TRIM5: variants seen among roughly 807,000 people sequenced by gnomAD.
TRIM5 encodes tripartite motif-containing protein 5.
Under a neutral mutation model 35.6 loss-of-function variants are expected in TRIM5, and 31 were observed. That is an observed-to-expected ratio of 0.87 (90% CI 0.65 to 1.18). TRIM5 has a LOEUF of 1.18. Among genes scored for constraint, TRIM5 ranks in the 50% most tolerant of loss-of-function variants. The pLI is 0.00. For missense variants in TRIM5, 609 were observed against 591.6 expected (o/e 1.03, Z -0.31); for synonymous variants, 243 against 215.6 (o/e 1.13, Z -1.11).
the TRIM5 span, among the ~76,000 whole-genome samples, chr11:5,636,629 G>A: frequency 6.6e-6 from 1 of 152,086 alleles, no homozygotes; most frequent in Non-Finnish European, 1.5e-5. Context: ...AAAGAACACT[G>A]TGTTTATGTC....
chr11:5,678,490 G>A, intron 3 of TRIM5, 56 bp from the exon 4 acceptor site: 2 of 1,392,010 alleles, frequency 1.4e-6, no homozygotes, highest in South Asian at 1.6e-5. Context: ...GAGGCTGTTA[G>A]CCAGAAAAGG....
chr11:5,633,146 CTT>C, the TRIM5 span, among the ~76,000 whole-genome samples: 945 of 106,788 alleles, frequency 8.8e-3, 7 homozygotes, highest in African/African-American at 0.028. Context: ...CCTTTTCTTT[CTT>C]TTTTTTTTTT....
the TRIM5 span, among the ~76,000 whole-genome samples, chr11:5,650,293 C>T: frequency 6.6e-6 from 1 of 152,186 alleles, no homozygotes; most frequent in Non-Finnish European, 1.5e-5. Flanking sequence ...GCCCGTGATT[C>T]AGTATATAAC....
intron 4 of TRIM5, among the ~76,000 whole-genome samples, chr11:5,671,240 T>C (rs1455123495): frequency 6.6e-6 from 1 of 151,528 alleles, no homozygotes; most frequent in Non-Finnish European, 1.5e-5. Context: ...ATATATATGT[T>C]ATTTACAAAA....
chr11:5,664,589 G>T lies in TRIM5; in HGVS notation c.*220C>A. ...ATAGGTCAGTTTTCCTTAGGAGTACGGAAAATGATGAAAAAAATTGCTATC... is the reference window on the plus strand; with the variant it reads ...ATAGGTCAGTTTTCCTTAGGAGTACTGAAAATGATGAAAAAAATTGCTATC... On this transcript the variant is annotated 3_prime_UTR_variant, in exon 8 of 8. Transcript: ENST00000380034. The T allele has an allele frequency of 1.6e-6, 2 of 1,283,382 alleles. No individual in the cohort carries two copies. The highest frequency in any genetic ancestry group is 1.5e-5 in the African/African-American group (1 of 66,330). 79.5% of individuals were successfully genotyped at this position (1,283,382 alleles called of 1,614,324 possible). A position where few individuals can be genotyped will look rare whatever the true frequency, so the allele number is the denominator to read the frequency against.
downstream of TRIM5, chr11:5,663,161 AAAG>A: frequency 1.3e-6 from 1 of 796,576 alleles, no homozygotes; most frequent in African/African-American, 1.9e-5. Flanking sequence ...AACAAACAAA[AAAG>A]CCCAACACCA....
At chr11:5,632,561 T>C in the TRIM5 span, 12 of 1,613,582 alleles carry the variant, frequency 7.4e-6, no homozygotes, top group African/African-American at 1.3e-5. Flanking sequence ...CTGGCCAACA[T>C]AGTGGAGAGA....
At chr11:5,642,341 G>T in the TRIM5 span, 2 of 1,442,910 alleles carry the variant, frequency 1.4e-6, no homozygotes, top group East Asian at 4.6e-5. Context: ...GATGAAACCA[G>T]TGATGTGGGA....
the TRIM5 span, among the ~76,000 whole-genome samples, chr11:5,605,974 C>T: frequency 1.3e-5 from 2 of 152,320 alleles, no homozygotes; most frequent in African/African-American, 4.8e-5. Context: ...ATGTCAGCAG[C>T]ACCACCCCAG....
chr11:5,631,724 G>A, the TRIM5 span, among the ~76,000 whole-genome samples: 1 of 152,242 alleles, frequency 6.6e-6, no homozygotes, highest in South Asian at 2.1e-4. Flanking sequence ...ATGAAACAAT[G>A]ATAAAGTTTT....
At chr11:5,681,565 T>C (rs1852450609) in intron 1 of TRIM5, among the ~76,000 whole-genome samples, 1 of 152,202 alleles carries the variant, frequency 6.6e-6, no homozygotes, top group Non-Finnish European at 1.5e-5. Context: ...TTGTCTCTCC[T>C]GCTAAATCAT....
intron 1 of TRIM5, among the ~76,000 whole-genome samples, chr11:5,681,268 A>G (rs1022018327): frequency 6.6e-6 from 1 of 152,198 alleles, no homozygotes; most frequent in Non-Finnish European, 1.5e-5. Context: ...TTGCGGCCCA[A>G]TAACGAGATG....
intron 4 of TRIM5, among the ~76,000 whole-genome samples, chr11:5,671,371 T>A (rs187322161): frequency 1.6e-4 from 24 of 149,386 alleles, no homozygotes; most frequent in African/African-American, 5.6e-4. Flanking sequence ...ACCCCAGATG[T>A]TGGAGCTAGA....
chr11:5,658,655 G>A (rs1850709923), downstream of TRIM5, among the ~76,000 whole-genome samples: 1 of 152,170 alleles, frequency 6.6e-6, no homozygotes, highest in African/African-American at 2.4e-5. Flanking sequence ...TTTTGTGCAA[G>A]GTTTCTAATG....
rs777138514 is a variant in TRIM5 at position 5,665,408 on chromosome 11, T to C, written c.896-13A>G. ...ACTGTCACATCAACTGTAGAAAAAT[T>C]AACAGGTCAGCTAAGGGATATAATG... is the stretch of plus-strand genomic sequence containing the variant. On this transcript the variant is annotated splice_polypyrimidine_tract_variant and intron_variant, in intron 7 of 7. Transcript: ENST00000380034. 13 of 1,593,690 alleles carry C rather than the reference T, an allele frequency of 8.2e-6. No homozygotes were observed. Among genetic ancestry groups the C allele is most frequent in the African/African-American group, 1.4e-5 (1 of 74,050 alleles).
rs767548665 is a variant in TRIM5, at chr11:5,664,836, G to A, written c.1455C>T (p.Pro485=). The A allele has an allele frequency of 1.8e-5, 29 of 1,606,088 alleles. No homozygotes were observed. The Admixed American group carries it at 2.5e-4, about 14-fold the overall frequency. The change falls in exon 8 of 8, where the codon CCC becomes CCT. Residue 485 remains proline, a synonymous_variant. Coordinates refer to ENST00000380034, the MANE Select transcript of TRIM5 (RefSeq NM_033034.3). ...AAGAGCTTGGTGAGCACAGAGTCAT[G>A]GGGACTCCACATTTTCTAGGATTTA... The part of the protein sequence containing the change: ...PYLNPRKCGV[P]MTLCSPSS
the TRIM5 span, chr11:5,643,609 T>C: frequency 6.2e-7 from 1 of 1,614,026 alleles, no homozygotes; most frequent in Non-Finnish European, 8.5e-7. Context: ...GGCTCCCTCA[T>C]TTACAAGTTC....
the TRIM5 span, chr11:5,610,344 A>G: frequency 3.3e-5 from 53 of 1,584,376 alleles, no homozygotes; most frequent in East Asian, 1.2e-3. Context: ...CATAGTGGCA[A>G]AGAGGGAGGT....
intron 1 of TRIM5, among the ~76,000 whole-genome samples, chr11:5,684,488 G>A (rs577241435): frequency 1.3e-5 from 2 of 152,314 alleles, no homozygotes; most frequent in African/African-American, 4.8e-5. Flanking sequence ...CACAGAGCCA[G>A]GCCAAGGTGA....
Sources: gnomAD v4.1 joint callset for allele counts (sites outside exome capture counted in the v4.1 genomes callset) on GRCh38, gnomAD v4.1.1 for gene constraint, MANE v1.5 for transcripts, NCBI Gene and HGNC (gene_info 2026-07-23, HGNC 2026-07-21) for gene names.